The following ATP13A4 variants were observed in gnomAD, a reference collection of about 807,000 sequenced individuals.
ATP13A4 encodes probable cation-transporting ATPase 13A4.
A neutral mutation model predicts 142.5 loss-of-function variants in ATP13A4; 114 were observed. That is an observed-to-expected ratio of 0.80 (90% CI 0.69 to 0.93). ATP13A4 has a LOEUF of 0.93. ATP13A4 is among the 40% of genes least tolerant of loss of function. The probability of loss-of-function intolerance (pLI) is 0.00; values close to 1 mark genes in which losing one functional copy is unlikely to be tolerated. For missense variants in ATP13A4, 1,392 were observed against 1,454.0 expected, an observed-to-expected ratio of 0.96 and a Z score of 0.69; for synonymous variants, 488 against 514.8, an observed-to-expected ratio of 0.95 and a Z score of 0.70.
At chr3:193,457,568 A>G (rs1282757949) in intron 14 of ATP13A4, 103 bp from the exon 15 acceptor site, 5 of 1,078,148 alleles carry the variant, frequency 4.6e-6, no homozygotes, top group East Asian at 2.4e-5. Flanking sequence ...GACCACCTCA[A>G]TGTGTTTTCC....
intron 11 of ATP13A4, 102 bp from the exon 12 acceptor site, chr3:193,465,230 C>T (rs1401993805): frequency 1.6e-6 from 2 of 1,274,164 alleles, no homozygotes; most frequent in East Asian, 5.1e-5. Context: ...TCTTGTCGCC[C>T]AGGCTGGAAT....
At chr3:193,592,157 G>C (rs1442107873) in intron 1 of ATP13A4, among the ~76,000 whole-genome samples, 1 of 149,972 alleles carries the variant, frequency 6.7e-6, no homozygotes, top group Non-Finnish European at 1.5e-5. Context: ...GCGGGTAGTG[G>C]GGAGGAGGTG....
chr3:193,530,153 G>A (rs555377858), intron 1 of ATP13A4, among the ~76,000 whole-genome samples: 4 of 152,228 alleles, frequency 2.6e-5, no homozygotes, highest in Admixed American at 1.3e-4. Flanking sequence ...CATTCCTAGG[G>A]AAGCTTGCCC....
intron 8 of ATP13A4, among the ~76,000 whole-genome samples, chr3:193,483,595 G>T (rs1405037106): frequency 6.6e-6 from 1 of 152,010 alleles, no homozygotes; most frequent in African/African-American, 2.4e-5. Context: ...CTCCTGAATA[G>T]CTGGGACTAC....
intron 8 of ATP13A4, among the ~76,000 whole-genome samples, chr3:193,482,853 A>G (rs980618883): frequency 6.6e-6 from 1 of 152,220 alleles, no homozygotes; most frequent in African/African-American, 2.4e-5. Context: ...AAAATGTTAA[A>G]TATCTATCTA....
chr3:193,589,828 T>C (rs892107950), intron 1 of ATP13A4, among the ~76,000 whole-genome samples: 1 of 152,156 alleles, frequency 6.6e-6, no homozygotes, highest in Non-Finnish European at 1.5e-5. Flanking sequence ...ACTCAAATAT[T>C]TTCGTGGGTT....
chr3:193,411,116 A>G (rs1214077891), intron 27 of ATP13A4, 46 bp from the exon 28 acceptor site: 2 of 1,283,656 alleles, frequency 1.6e-6, no homozygotes. Context: ...AATCAGAGTG[A>G]AAAATGTCAC....
chr3:193,428,825 A>G (rs920272030), intron 25 of ATP13A4, among the ~76,000 whole-genome samples: 20 of 150,842 alleles, frequency 1.3e-4, no homozygotes, highest in African/African-American at 4.6e-4. Context: ...TAGCATTAGG[A>G]GATATACCTA....
chr3:193,428,589 T>C (rs113234856), intron 25 of ATP13A4, among the ~76,000 whole-genome samples: 101 of 151,942 alleles, frequency 6.6e-4, no homozygotes, highest in Admixed American at 2.0e-3. Context: ...GGCACATATA[T>C]ACCATGGAAT....
At chr3:193,532,149 T>C (rs1256508543) in intron 1 of ATP13A4, among the ~76,000 whole-genome samples, 2 of 152,070 alleles carry the variant, frequency 1.3e-5, no homozygotes, top group African/African-American at 4.8e-5. Flanking sequence ...GCGTCTCAGC[T>C]GATTCTTATC....
intron 1 of ATP13A4, among the ~76,000 whole-genome samples, chr3:193,582,084 C>CATATATATATAT (rs71912541): frequency 6.9e-5 from 3 of 43,598 alleles, no homozygotes; most frequent in African/African-American, 1.4e-4. Flanking sequence ...AAAAGACTTC[C>CATATATATATAT]ATATATATAT....
chr3:193,552,181 C>T (rs571547746), intron 1 of ATP13A4, among the ~76,000 whole-genome samples: 5 of 152,260 alleles, frequency 3.3e-5, no homozygotes, highest in South Asian at 4.1e-4. Context: ...ACCATGTTGG[C>T]CAGGATGGTC....
intron 8 of ATP13A4, among the ~76,000 whole-genome samples, chr3:193,483,547 C>G (rs537484809): frequency 6.6e-6 from 1 of 152,270 alleles, no homozygotes; most frequent in East Asian, 1.9e-4. Flanking sequence ...TCACTGCAAG[C>G]TCCGCCTCCC....
In ATP13A4 at chr3:193,402,936, T is replaced by A. The variant is rs139148676; in HGVS notation, c.3379-72A>T. 8.8e-4 allele frequency: 1,195 copies of A among 1,364,942 alleles called. 5 individuals are homozygous for A. The African/African-American group carries it at 0.015, about 17-fold the overall frequency. 84.6% of individuals were successfully genotyped at this position (1,364,942 alleles called of 1,614,324 possible). A position where few individuals can be genotyped will look rare whatever the true frequency, so the allele number is the denominator to read the frequency against. ...TGAGGCTACAGCCCTCCACAGGCCATCATAAGTCACTACTGCAATGGTTGC... is the reference window on the plus strand; with the variant it reads ...TGAGGCTACAGCCCTCCACAGGCCAACATAAGTCACTACTGCAATGGTTGC... On this transcript the variant is annotated intron_variant, in intron 29 of 29. Transcript: ENST00000342695.
At chr3:193,584,578 A>C (rs1355725035) in intron 1 of ATP13A4, among the ~76,000 whole-genome samples, 1 of 151,570 alleles carries the variant, frequency 6.6e-6, no homozygotes, top group East Asian at 1.9e-4. Flanking sequence ...TATACTAATG[A>C]GGCTGCCTTC....
intron 13 of ATP13A4, among the ~76,000 whole-genome samples, chr3:193,461,792 G>A (rs77457118): frequency 1.3e-5 from 2 of 152,100 alleles, no homozygotes; most frequent in Non-Finnish European, 1.5e-5. Flanking sequence ...CTGATTCCAC[G>A]GGAGTTCGTA....
rs968673801 is a variant in ATP13A4, at chr3:193,425,955, A to G, written c.2842+7890T>C. ...GATTTTACTATTACACAACGTATAC[A>G]TGTATTGAAACATCACATTGTACCT... is the stretch of plus-strand genomic sequence containing the variant. On this transcript the variant is annotated intron_variant, in intron 25 of 29. Transcript: ENST00000342695. 1.2e-4 allele frequency among the ~76,000 whole-genome samples: 18 copies of G among 151,862 alleles called. 1 individual carries two copies. Among genetic ancestry groups the G allele is most frequent in the Non-Finnish European group, 1.5e-5 (1 of 67,774 alleles).
In ATP13A4 at chr3:193,462,776, G is replaced by C. The variant is rs780381875; in HGVS notation, c.1509C>G (p.Ser503=). The C allele has an allele frequency of 2.5e-6, 4 of 1,613,888 alleles. No individual in the cohort carries two copies. The Admixed American group carries it at 5.0e-5, about 20-fold the overall frequency. Reference sequence around the variant, plus strand: ...AAGGTACTCACCCATTCCTATCACAGGACACGACTCCCCAGAGGTCCAAGC... The same window carrying C: ...AAGGTACTCACCCATTCCTATCACACGACACGACTCCCCAGAGGTCCAAGC... The part of the protein sequence containing the change: ...RDGLDLWGVV[S]CDRNGFQEVH... Residue 503 remains serine, a synonymous_variant, in exon 13 of 30, where the codon TCC becomes TCG. Coordinates refer to ENST00000342695, the MANE Select transcript of ATP13A4 (RefSeq NM_032279.4).
At chr3:193,449,070 G>T (rs1330221447) in intron 17 of ATP13A4, among the ~76,000 whole-genome samples, 1 of 152,138 alleles carries the variant, frequency 6.6e-6, no homozygotes, top group Non-Finnish European at 1.5e-5. Flanking sequence ...GAGATATGAG[G>T]TCATAATCTC....
Sources: allele counts gnomAD v4.1 joint callset (sites outside exome capture counted in the v4.1 genomes callset), GRCh38; gene constraint gnomAD v4.1.1; transcripts MANE v1.5; gene names NCBI Gene and HGNC (gene_info 2026-07-23, HGNC 2026-07-21).